Variants in XKR9 observed in about 807,000 individuals in gnomAD.
The protein encoded by XKR9 is XK related 9.
A neutral mutation model predicts 32.0 loss-of-function variants in XKR9; 32 were observed. The ratio of observed to expected loss-of-function variants is 1.00; its 90% CI spans 0.76 to 1.34. The LOEUF is 1.34. XKR9 is among the 40% of genes most tolerant of loss of function. The pLI is 0.00. For synonymous variants in XKR9, 168 were observed against 143.4 expected (o/e 1.17, Z -1.22); for missense variants, 546 against 429.7 (o/e 1.27, Z -2.39).
chr8:70,961,767 A>C, the XKR9 span, among the ~76,000 whole-genome samples: 3 of 152,232 alleles, frequency 2.0e-5, no homozygotes, highest in South Asian at 6.2e-4. Flanking sequence ...TAAATACATA[A>C]ATTTCACTGA....
chr8:71,032,999 G>A, the XKR9 span, among the ~76,000 whole-genome samples: 11 of 151,826 alleles, frequency 7.2e-5, no homozygotes, highest in East Asian at 5.8e-4. Context: ...CAGGAGAATC[G>A]CTTGAACCCG....
the XKR9 span, among the ~76,000 whole-genome samples, chr8:71,029,754 T>A: frequency 6.6e-6 from 1 of 152,090 alleles, no homozygotes; most frequent in Non-Finnish European, 1.5e-5. Context: ...AAGTCTGTTG[T>A]ATCATGCTCT....
intron 4 of XKR9, among the ~76,000 whole-genome samples, chr8:70,722,186 T>A (rs974557304): frequency 2.6e-5 from 4 of 152,108 alleles, no homozygotes; most frequent in Non-Finnish European, 5.9e-5. Flanking sequence ...ATTTTGAGCC[T>A]ATGTGTGCAC....
chr8:71,007,732 A>G, the XKR9 span, among the ~76,000 whole-genome samples: 3 of 152,170 alleles, frequency 2.0e-5, no homozygotes, highest in African/African-American at 4.8e-5. Flanking sequence ...GAAAATGTAT[A>G]CAACTAGGTA....
chr8:70,879,250 G>T, the XKR9 span, among the ~76,000 whole-genome samples: 11 of 152,044 alleles, frequency 7.2e-5, no homozygotes, highest in Non-Finnish European at 1.5e-4. Context: ...AAAAGAACTA[G>T]AGAAGCAAGA....
the XKR9 span, among the ~76,000 whole-genome samples, chr8:70,827,637 A>G: frequency 6.6e-6 from 1 of 152,316 alleles, no homozygotes. Context: ...CCTTTAAAGC[A>G]GAGAAGTTCA....
intron 2 of XKR9, among the ~76,000 whole-genome samples, chr8:70,769,226 ATCTT>A (rs1807419993): frequency 6.8e-6 from 1 of 147,554 alleles, no homozygotes; most frequent in South Asian, 2.1e-4. Flanking sequence ...GGGTTGAAAA[ATCTT>A]TTTTTTTTTT....
chr8:71,053,358 C>CA, the XKR9 span, among the ~76,000 whole-genome samples: 1 of 152,186 alleles, frequency 6.6e-6, no homozygotes, highest in Middle Eastern at 3.2e-3. Flanking sequence ...CAGAAGGCTG[C>CA]ACAGGCCCTA....
chr8:70,756,101 C>A (rs184491289), intron 2 of XKR9, among the ~76,000 whole-genome samples: 53 of 152,038 alleles, frequency 3.5e-4, no homozygotes, highest in Non-Finnish European at 7.1e-4. Flanking sequence ...ATCCAGTTAC[C>A]CCCGTACCAT....
At chr8:71,010,905 A>T in the XKR9 span, among the ~76,000 whole-genome samples, 4 of 152,200 alleles carry the variant, frequency 2.6e-5, no homozygotes, top group Non-Finnish European at 5.9e-5. Flanking sequence ...TTGTCATCCT[A>T]GGGCGATTCC....
chr8:70,955,470 C>A, the XKR9 span, among the ~76,000 whole-genome samples: 1 of 152,234 alleles, frequency 6.6e-6, no homozygotes, highest in Admixed American at 6.5e-5. Flanking sequence ...TTTATTATCA[C>A]TTCAATTATA....
In XKR9 at chr8:70,669,342, G is replaced by A. The variant is rs1440884706; in HGVS notation, c.-557G>A. On this transcript the variant is annotated 5_prime_UTR_variant, in exon 1 of 5. Transcript: ENST00000408926. ...GTGGGGGGGGCGGTGCGGAACTAGAGGTCACGTGACGCCGCGCGGGCTGCG... is the reference window on the plus strand; with the variant it reads ...GTGGGGGGGGCGGTGCGGAACTAGAAGTCACGTGACGCCGCGCGGGCTGCG... 1.8e-6 allele frequency: 1 copy of A among 548,598 alleles called. No homozygotes were observed. Among genetic ancestry groups the A allele is most frequent in the Non-Finnish European group, 3.1e-6 (1 of 321,620 alleles). 34.0% of individuals were successfully genotyped at this position (548,598 alleles called of 1,614,324 possible).
downstream of XKR9, among the ~76,000 whole-genome samples, chr8:70,792,241 A>G (rs2130272892): frequency 6.6e-6 from 1 of 152,232 alleles, no homozygotes. Flanking sequence ...GGAAACAAAA[A>G]TTACTAGAAA....
chr8:70,779,726 T>G (rs1807589097), intron 2 of XKR9, among the ~76,000 whole-genome samples: 1 of 152,208 alleles, frequency 6.6e-6, no homozygotes, highest in Non-Finnish European at 1.5e-5. Flanking sequence ...TTCTGGATTT[T>G]GTAATTTATT....
At chr8:70,908,261 A>G in the XKR9 span, among the ~76,000 whole-genome samples, 1 of 152,216 alleles carries the variant, frequency 6.6e-6, no homozygotes, top group Non-Finnish European at 1.5e-5. Context: ...GAGTATACAG[A>G]AAGGAAATTT....
intron 1 of XKR9, among the ~76,000 whole-genome samples, chr8:70,671,854 A>G (rs1322732913): frequency 9.4e-6 from 1 of 105,926 alleles, no homozygotes; most frequent in East Asian, 2.0e-4. Flanking sequence ...TTAAGCTGAT[A>G]AGCAACTTCA....
chr8:70,942,329 A>G, the XKR9 span, among the ~76,000 whole-genome samples: 4 of 152,282 alleles, frequency 2.6e-5, no homozygotes, highest in South Asian at 6.2e-4. Flanking sequence ...TTCCCTAGGA[A>G]CATTTCCATG....
chr8:70,798,070 G>A, the XKR9 span, among the ~76,000 whole-genome samples: 1 of 152,156 alleles, frequency 6.6e-6, no homozygotes, highest in Non-Finnish European at 1.5e-5. Context: ...TATATACTCA[G>A]TAATGGGATT....
At chr8:71,065,084 A>G in the XKR9 span, among the ~76,000 whole-genome samples, 1 of 152,298 alleles carries the variant, frequency 6.6e-6, no homozygotes, top group Admixed American at 6.5e-5. Flanking sequence ...AATAAGACAT[A>G]AAAAATTGAA....
Sources: gnomAD v4.1 joint callset for allele counts (sites outside exome capture counted in the v4.1 genomes callset) on GRCh38, gnomAD v4.1.1 for gene constraint, MANE v1.5 for transcripts, NCBI Gene and HGNC (gene_info 2026-07-23, HGNC 2026-07-21) for gene names.